Variants in PLD1 observed in about 807,000 individuals in gnomAD.
The protein encoded by PLD1 is choline phosphatase 1.
In PLD1, 112 loss-of-function variants were observed where a neutral mutation model predicts 137.1. The observed-to-expected ratio is 0.82, with a 90% CI of 0.70 to 0.96. The LOEUF (loss-of-function observed/expected upper bound fraction) is 0.96, where lower values mean the gene tolerates loss of function less well. PLD1 is among the 40% of genes least tolerant of loss of function. PLD1 has a pLI of 0.00. For synonymous variants in PLD1, 431 were observed against 454.7 expected, an observed-to-expected ratio of 0.95 and a Z score of 0.66; for missense variants, 1,321 against 1,342.0, an observed-to-expected ratio of 0.98 and a Z score of 0.24.
chr3:171,778,438 T>C (rs1023022976), intron 1 of PLD1, among the ~76,000 whole-genome samples: 1 of 152,166 alleles, frequency 6.6e-6, no homozygotes, highest in African/African-American at 2.4e-5. Context: ...TTAAGAAAAC[T>C]AAAGCAGAGT....
At chr3:171,639,820 T>TTCTCTCTCTCTCTCTC (rs778938858) in intron 23 of PLD1, among the ~76,000 whole-genome samples, 1 of 118,086 alleles carries the variant, frequency 8.5e-6, no homozygotes, top group Admixed American at 1.0e-4. Flanking sequence ...TTTACATAAT[T>TTCTCTCTCTCTCTCTC]TCTCTCTCTC....
At chr3:171,606,702 T>C (rs1732233506) in intron 25 of PLD1, among the ~76,000 whole-genome samples, 1 of 152,208 alleles carries the variant, frequency 6.6e-6, no homozygotes, top group Non-Finnish European at 1.5e-5. Flanking sequence ...TAAATGTAGA[T>C]TTGCATCATC....
chr3:171,801,995 T>A (rs1350306704), intron 1 of PLD1, among the ~76,000 whole-genome samples: 1 of 152,206 alleles, frequency 6.6e-6, no homozygotes, highest in Non-Finnish European at 1.5e-5. Flanking sequence ...TTATTTCTCA[T>A]CAGTTGAGAG....
At chr3:171,604,133 G>T (rs867313574) in intron 26 of PLD1, among the ~76,000 whole-genome samples, 72 of 152,120 alleles carry the variant, frequency 4.7e-4, no homozygotes, top group Admixed American at 2.9e-3. Context: ...GAGGTCAGGA[G>T]TTCAAGACCA....
intron 20 of PLD1, among the ~76,000 whole-genome samples, chr3:171,660,849 C>A (rs1278034450): frequency 6.6e-6 from 1 of 151,990 alleles, no homozygotes; most frequent in Non-Finnish European, 1.5e-5. Context: ...CTCAGGTGAT[C>A]CACCCGCCTT....
chr3:171,634,907 A>C (rs937011457), intron 23 of PLD1, among the ~76,000 whole-genome samples: 1 of 151,902 alleles, frequency 6.6e-6, no homozygotes, highest in Non-Finnish European at 1.5e-5. Flanking sequence ...CCCCAAAAAA[A>C]CCCCACACTC....
chr3:171,795,993 TAGG>T (rs771341991), intron 1 of PLD1, among the ~76,000 whole-genome samples: 4 of 152,236 alleles, frequency 2.6e-5, no homozygotes, highest in Non-Finnish European at 5.9e-5. Flanking sequence ...TTCTACTTCC[TAGG>T]ATATATGGAC....
intron 9 of PLD1, among the ~76,000 whole-genome samples, chr3:171,712,282 T>G (rs1717320793): frequency 1.3e-5 from 2 of 152,144 alleles, no homozygotes; most frequent in South Asian, 4.1e-4. Flanking sequence ...CCATCGCGTG[T>G]GGTGGAGACA....
rs756646680 is a variant in PLD1 at position 171,659,247 on chromosome 3, CG to C, written c.2394del (p.Asp799MetfsTer8). On this transcript the variant is annotated frameshift_variant, in exon 21 of 27. Coordinates refer to ENST00000351298, the MANE Select transcript of PLD1 (RefSeq NM_002662.5). LOFTEE classifies it high-confidence loss of function. The part of the protein sequence containing the change: ...ADDKVVFNKI[G>X]DAIAQRILKA... ...TTCAGGATCCTCTGGGCAATGGCAT[CG>C]CCTATCTTGTTGAACACAACTTTGT... 7 of 1,613,430 alleles carry C rather than the reference CG, an allele frequency of 4.3e-6. No individual in the cohort carries two copies. Among genetic ancestry groups the C allele is most frequent in the Non-Finnish European group, 5.1e-6 (6 of 1,179,454 alleles).
intron 1 of PLD1, among the ~76,000 whole-genome samples, chr3:171,777,249 ATTG>A (rs1415234784): frequency 2.0e-5 from 3 of 152,282 alleles, no homozygotes; most frequent in East Asian, 3.9e-4. Context: ...TAGAGTGAAA[ATTG>A]TTGTGTGTGA....
chr3:171,642,953 C>A, intron 22 of PLD1, 64 bp from the exon 23 acceptor site: 1 of 882,648 alleles, frequency 1.1e-6, no homozygotes, highest in Non-Finnish European at 1.9e-6. Flanking sequence ...CATGCAGTAT[C>A]TGTAGGTTTA....
intron 13 of PLD1, 38 bp from the exon 14 acceptor site, chr3:171,688,914 G>A (rs1368247678): frequency 6.7e-7 from 1 of 1,482,116 alleles, no homozygotes; most frequent in African/African-American, 1.4e-5. Flanking sequence ...ATATGCTTTT[G>A]AAATGTCCTT....
At chr3:171,687,325 G>A in intron 15 of PLD1, 46 bp downstream of exon 15, 3 of 1,477,916 alleles carry the variant, frequency 2.0e-6, no homozygotes, top group Non-Finnish European at 2.8e-6. Flanking sequence ...GGCTATGGAA[G>A]AACAGTGGGT....
At chr3:171,736,110 C>T (rs989924508) in intron 3 of PLD1, among the ~76,000 whole-genome samples, 22 of 152,184 alleles carry the variant, frequency 1.4e-4, no homozygotes, top group African/African-American at 5.3e-4. Flanking sequence ...CTCTCCTTCT[C>T]TTGTGAAACA....
intron 20 of PLD1, 52 bp from the exon 21 acceptor site, chr3:171,659,353 T>C (rs1379749465): frequency 1.8e-6 from 2 of 1,137,994 alleles, no homozygotes; most frequent in South Asian, 1.2e-5. Context: ...CTTAGCAATA[T>C]ACGTAAGAAC....
intron 1 of PLD1, among the ~76,000 whole-genome samples, chr3:171,753,365 C>T (rs1720794413): frequency 6.6e-6 from 1 of 152,220 alleles, no homozygotes; most frequent in African/African-American, 2.4e-5. Flanking sequence ...GGCTGCCAAA[C>T]TTTGACGAAC....
intron 21 of PLD1, chr3:171,653,949 C>T: frequency 3.7e-6 from 1 of 267,338 alleles, no homozygotes; most frequent in South Asian, 3.2e-5. Context: ...GGTCTCCAGA[C>T]ATCTGGTCCC....
At chr3:171,750,721 C>T (rs1720594456) in intron 1 of PLD1, among the ~76,000 whole-genome samples, 1 of 152,108 alleles carries the variant, frequency 6.6e-6, no homozygotes, top group Non-Finnish European at 1.5e-5. Context: ...TAAATGGAGG[C>T]TATAAGATTG....
intron 1 of PLD1, among the ~76,000 whole-genome samples, chr3:171,810,122 C>T (rs1724053207): frequency 6.6e-6 from 1 of 152,276 alleles, no homozygotes; most frequent in Non-Finnish European, 1.5e-5. Context: ...CAGCCTGAGC[C>T]TGCGCGGCTC....
Sources: allele counts gnomAD v4.1 joint callset (sites outside exome capture counted in the v4.1 genomes callset), GRCh38; gene constraint gnomAD v4.1.1; transcripts MANE v1.5; gene names NCBI Gene and HGNC (gene_info 2026-07-23, HGNC 2026-07-21).